The following VGLL4 variants were observed in gnomAD, a reference collection of about 807,000 sequenced individuals.
VGLL4 encodes vestigial like family member 4, also known as transcription cofactor vestigial-like protein 4.
VGLL4 carries 7 observed loss-of-function variants against 21.0 expected under a neutral mutation model. The ratio of observed to expected loss-of-function variants is 0.33; its 90% confidence interval spans 0.19 to 0.63. The LOEUF is 0.63. VGLL4 is among the 20% of genes least tolerant of loss of function. The pLI is 0.78. For missense variants in VGLL4, 394 were observed against 425.7 expected, an observed-to-expected ratio of 0.93 and a Z score of 0.66; for synonymous variants, 222 against 173.2, an observed-to-expected ratio of 1.28 and a Z score of -2.21.
At chr3:11,604,661 G>T in intron 1 of VGLL4, 1 of 605,970 alleles carries the variant, frequency 1.7e-6, no homozygotes, top group Non-Finnish European at 2.0e-6. Flanking sequence ...CTTTATTTAG[G>T]ATGGGGTGAA....
intron 1 of VGLL4, among the ~76,000 whole-genome samples, chr3:11,621,536 T>A (rs1430763345): frequency 6.6e-6 from 1 of 152,234 alleles, no homozygotes; most frequent in African/African-American, 2.4e-5. Context: ...TAATATTTCA[T>A]CGTATGGAGA....
chr3:11,584,615 G>A (rs761830783), intron 2 of VGLL4, among the ~76,000 whole-genome samples: 24 of 152,124 alleles, frequency 1.6e-4, no homozygotes, highest in East Asian at 5.8e-4. Flanking sequence ...GGAGATATTC[G>A]AAGTTCTGCA....
chr3:11,664,905 G>C (rs2076093888), intron 2 of VGLL4, among the ~76,000 whole-genome samples: 1 of 151,684 alleles, frequency 6.6e-6, no homozygotes, highest in African/African-American at 2.4e-5. Flanking sequence ...AGTAACTAGT[G>C]ATCAGGCATC....
chr3:11,658,305 T>TCC (rs1660670665), intron 2 of VGLL4, among the ~76,000 whole-genome samples: 1 of 151,952 alleles, frequency 6.6e-6, no homozygotes, highest in Admixed American at 6.6e-5. Flanking sequence ...GACTGTCTAC[T>TCC]CCCCAAAGCA....
intron 2 of VGLL4, among the ~76,000 whole-genome samples, chr3:11,581,613 T>C (rs923122652): frequency 2.6e-5 from 4 of 152,188 alleles, no homozygotes; most frequent in African/African-American, 4.8e-5. Flanking sequence ...GCATTCATTT[T>C]CTATTAAATG....
intron 2 of VGLL4, among the ~76,000 whole-genome samples, chr3:11,665,703 T>C (rs1379460166): frequency 6.6e-6 from 1 of 152,252 alleles, no homozygotes; most frequent in Non-Finnish European, 1.5e-5. Flanking sequence ...ATTCAGCATA[T>C]ATTTACTGAT....
intron 1 of VGLL4, among the ~76,000 whole-genome samples, chr3:11,603,782 T>C (rs1253329228): frequency 6.6e-6 from 1 of 152,186 alleles, no homozygotes; most frequent in Non-Finnish European, 1.5e-5. Context: ...TTTCATCAGA[T>C]GCCAGCTGTG....
At chr3:11,713,971 G>A (rs566485358) in intron 1 of VGLL4, among the ~76,000 whole-genome samples, 23 of 152,132 alleles carry the variant, frequency 1.5e-4, no homozygotes, top group Non-Finnish European at 3.1e-4. Context: ...CAGGAGGGCA[G>A]GGGTACGATA....
chr3:11,621,528 A>G (rs895517873), intron 1 of VGLL4, among the ~76,000 whole-genome samples: 1 of 152,248 alleles, frequency 6.6e-6, no homozygotes, highest in Admixed American at 6.5e-5. Flanking sequence ...TTGCCAAATA[A>G]TATTTCATCG....
chr3:11,564,791 G>A lies in VGLL4; in HGVS notation c.495+6C>T. The A allele has an allele frequency of 6.5e-7, 1 of 1,538,430 alleles. No homozygotes were observed. On this transcript the variant is annotated splice_donor_region_variant and intron_variant, in intron 3 of 4. Coordinates refer to ENST00000430365, the MANE Select transcript of VGLL4 (RefSeq NM_001128219.3). The stretch of plus-strand genomic sequence containing the variant: ...CCCCACGCCACCCTCCCAGACAGAG[G>A]CCCACCTGCTGCCGCTCCCCCGGGG...
intron 2 of VGLL4, among the ~76,000 whole-genome samples, chr3:11,652,228 C>T (rs2075882696): frequency 2.6e-5 from 4 of 152,194 alleles, no homozygotes; most frequent in East Asian, 3.9e-4. Context: ...AAAAATAAAC[C>T]TTATTTTATT....
chr3:11,560,575 T>C (rs748142147), intron 3 of VGLL4, among the ~76,000 whole-genome samples: 62 of 152,182 alleles, frequency 4.1e-4, no homozygotes, highest in Non-Finnish European at 7.2e-4. Flanking sequence ...ACGACAGTGA[T>C]TGGGAATGGT....
intron 3 of VGLL4, among the ~76,000 whole-genome samples, chr3:11,561,922 CAA>C (rs1189519329): frequency 3.1e-5 from 3 of 97,208 alleles, no homozygotes; most frequent in African/African-American, 1.2e-4. Context: ...TTTTTAAAGA[CAA>C]AGTCTCACTC....
chr3:11,625,149 G>A (rs1322260451), intron 1 of VGLL4, among the ~76,000 whole-genome samples: 1 of 152,208 alleles, frequency 6.6e-6, no homozygotes, highest in Admixed American at 6.5e-5. Flanking sequence ...AGTGCCAGAG[G>A]CCTGTTCTTT....
At chr3:11,668,505 G>A (rs1012617522) in intron 2 of VGLL4, among the ~76,000 whole-genome samples, 13 of 152,102 alleles carry the variant, frequency 8.5e-5, no homozygotes, top group African/African-American at 2.9e-4. Context: ...GACTCTTTGG[G>A]GCCCAGGAAT....
At chr3:11,637,835 GAC>G (rs1295524538) in intron 1 of VGLL4, among the ~76,000 whole-genome samples, 3 of 152,176 alleles carry the variant, frequency 2.0e-5, no homozygotes, top group Non-Finnish European at 4.4e-5. Context: ...GGTGGGAAAT[GAC>G]ACATGAGTTC....
intron 3 of VGLL4, among the ~76,000 whole-genome samples, chr3:11,561,134 C>G (rs11344852): frequency 0.18 from 27,199 of 151,776 alleles, 2,625 homozygotes; most frequent in Middle Eastern, 0.24. Flanking sequence ...GACCCCCCCC[C>G]AGGGTCCTCC....
chr3:11,564,970 G>A lies in VGLL4; in HGVS notation c.322C>T (p.Arg108Cys), dbSNP rs200844511. The A allele has an allele frequency of 5.7e-5, 88 of 1,542,952 alleles. No individual in the cohort carries two copies. The highest frequency in any genetic ancestry group is 4.2e-4 in the Admixed American group (20 of 47,512). ...DCRRDPRERSRSPIERAVAPT... is the reference protein window; with the variant it reads ...DCRRDPRERSCSPIERAVAPT... The stretch of plus-strand genomic sequence containing the variant: ...GCCACAGCGCGCTCGATGGGGCTGC[G>A]GCTCCGCTCCCGGGGGTCTCTGCGG... The change falls in exon 3 of 5, where the codon CGC (arginine) becomes TGC (cysteine). Residue 108 changes from arginine (R) to cysteine (C), a missense_variant. By Grantham distance (180) the Arg-to-Cys change is radical. Transcript: ENST00000430365.
chr3:11,671,330 T>C (rs1351352332), intron 2 of VGLL4: 2 of 1,430,862 alleles, frequency 1.4e-6, no homozygotes, highest in South Asian at 2.3e-5. Context: ...AAAATGCGTA[T>C]TCTCAGTCAT....
Sources: allele counts gnomAD v4.1 joint callset (sites outside exome capture counted in the v4.1 genomes callset), GRCh38; gene constraint gnomAD v4.1.1; transcripts MANE v1.5; gene names NCBI Gene and HGNC (gene_info 2026-07-23, HGNC 2026-07-21).